Variants in RANBP2 observed in about 807,000 individuals in gnomAD.
The protein encoded by RANBP2 is E3 SUMO-protein ligase RanBP2.
A neutral mutation model predicts 303.6 loss-of-function variants in RANBP2; 57 were observed. The ratio of observed to expected loss-of-function variants is 0.19; its 90% CI spans 0.15 to 0.23. The LOEUF is 0.23. Among genes scored for constraint, RANBP2 ranks in the 10% least tolerant of loss-of-function variants. The probability of loss-of-function intolerance (pLI) is 1.00; values close to 1 mark genes in which losing one functional copy is unlikely to be tolerated. For missense variants in RANBP2, 3,138 were observed against 3,780.8 expected (o/e 0.83, Z 4.46); for synonymous variants, 1,167 against 1,301.5 (o/e 0.90, Z 2.23).
chr2:109,634,119 C>CAAAAAAA, the RANBP2 span, among the ~76,000 whole-genome samples: 2 of 56,092 alleles, frequency 3.6e-5, no homozygotes, highest in African/African-American at 7.9e-5. Flanking sequence ...GACTCTGTCT[C>CAAAAAAA]AAAAAAAAAA....
the RANBP2 span, among the ~76,000 whole-genome samples, chr2:109,164,958 A>G: frequency 6.6e-6 from 1 of 152,176 alleles, no homozygotes; most frequent in African/African-American, 2.4e-5. Flanking sequence ...GGAGGTCGTA[A>G]TTGTTTTTCT....
chr2:109,436,089 C>T, the RANBP2 span, among the ~76,000 whole-genome samples: 24 of 152,234 alleles, frequency 1.6e-4, no homozygotes, highest in South Asian at 5.0e-3. Context: ...GGGCAGGCAG[C>T]CTGTTCTCCC....
chr2:109,699,637 A>T, the RANBP2 span, among the ~76,000 whole-genome samples: 1 of 152,166 alleles, frequency 6.6e-6, no homozygotes, highest in Non-Finnish European at 1.5e-5. Context: ...TTATCTTCAC[A>T]TTACATAGGC....
the RANBP2 span, among the ~76,000 whole-genome samples, chr2:109,285,504 A>C: frequency 2.0e-5 from 3 of 152,184 alleles, no homozygotes; most frequent in African/African-American, 7.2e-5. Flanking sequence ...TTAACAGTGC[A>C]TGCTGGGGCA....
At chr2:109,532,769 G>T in the RANBP2 span, among the ~76,000 whole-genome samples, 1 of 152,074 alleles carries the variant, frequency 6.6e-6, no homozygotes, top group African/African-American at 2.4e-5. Context: ...GACAGATCTT[G>T]TAAGGAAGTT....
the RANBP2 span, among the ~76,000 whole-genome samples, chr2:109,655,887 ACTTATTATCAAT>A: frequency 6.6e-6 from 1 of 152,154 alleles, no homozygotes; most frequent in South Asian, 2.1e-4. Context: ...TTGGTCTACC[ACTTATTATCAAT>A]CTGGCCCTGG....
the RANBP2 span, among the ~76,000 whole-genome samples, chr2:109,122,870 C>T: frequency 6.6e-6 from 1 of 152,136 alleles, no homozygotes; most frequent in African/African-American, 2.4e-5. Context: ...GACCCTGTTT[C>T]TTTCACACCC....
At chr2:109,444,886 A>C in the RANBP2 span, among the ~76,000 whole-genome samples, 2 of 152,234 alleles carry the variant, frequency 1.3e-5, no homozygotes, top group East Asian at 3.8e-4. Context: ...CTTTGAAATC[A>C]GTATGTTTAA....
chr2:109,585,374 T>C, the RANBP2 span: 3 of 1,418,488 alleles, frequency 2.1e-6, no homozygotes, highest in East Asian at 4.6e-5. Context: ...TGAAAAGAAA[T>C]ACAACTGTAA....
At chr2:108,894,155 G>A in the RANBP2 span, among the ~76,000 whole-genome samples, 1 of 152,124 alleles carries the variant, frequency 6.6e-6, no homozygotes, top group Non-Finnish European at 1.5e-5. Flanking sequence ...GTTGCTTTAA[G>A]CCATTGAATT....
At chr2:109,493,067 C>T in the RANBP2 span, among the ~76,000 whole-genome samples, 8 of 152,074 alleles carry the variant, frequency 5.3e-5, no homozygotes, top group South Asian at 1.7e-3. Flanking sequence ...CAAACACACA[C>T]ACCACACATA....
the RANBP2 span, among the ~76,000 whole-genome samples, chr2:109,540,581 T>C: frequency 1.6e-3 from 243 of 151,922 alleles, 2 homozygotes; most frequent in South Asian, 9.6e-3. Flanking sequence ...TTCTAACACT[T>C]TGGGAGGCTG....
At chr2:109,617,339 ATTCC>A in the RANBP2 span, 1 of 167,084 alleles carries the variant, frequency 6.0e-6, no homozygotes, top group Non-Finnish European at 1.5e-5. Context: ...GCTGCTGGCT[ATTCC>A]TTTGTATATA....
the RANBP2 span, among the ~76,000 whole-genome samples, chr2:109,374,091 G>A: frequency 2.0e-5 from 3 of 152,160 alleles, no homozygotes; most frequent in Admixed American, 6.5e-5. Flanking sequence ...CATGAGGAGG[G>A]CTCCATAGCC....
At chr2:109,269,147 T>C in the RANBP2 span, among the ~76,000 whole-genome samples, 3 of 152,202 alleles carry the variant, frequency 2.0e-5, no homozygotes, top group Admixed American at 1.3e-4. Context: ...GTGGGCATCA[T>C]AGGCAGTTTC....
chr2:109,622,030 G>A, the RANBP2 span, among the ~76,000 whole-genome samples: 1 of 152,174 alleles, frequency 6.6e-6, no homozygotes, highest in Non-Finnish European at 1.5e-5. Context: ...TCACCTAGGT[G>A]CTGACATGGC....
At chr2:108,797,498 G>T in the RANBP2 span, among the ~76,000 whole-genome samples, 10 of 152,294 alleles carry the variant, frequency 6.6e-5, no homozygotes, top group African/African-American at 2.4e-4. Context: ...TGAAATGAGA[G>T]ACCTCAGCAA....
At chr2:109,659,267 C>T in the RANBP2 span, among the ~76,000 whole-genome samples, 3 of 150,878 alleles carry the variant, frequency 2.0e-5, no homozygotes, top group African/African-American at 7.3e-5. Context: ...GTCCCAGCTA[C>T]TCGGGAGGCT....
the RANBP2 span, among the ~76,000 whole-genome samples, chr2:108,998,372 A>G: frequency 1.3e-5 from 2 of 152,056 alleles, no homozygotes; most frequent in Non-Finnish European, 2.9e-5. Flanking sequence ...CCTGCACTTA[A>G]TTTTGAGCCC....
Sources: gnomAD v4.1 joint callset for allele counts (sites outside exome capture counted in the v4.1 genomes callset) on GRCh38, gnomAD v4.1.1 for gene constraint, MANE v1.5 for transcripts, NCBI Gene and HGNC (gene_info 2026-07-23, HGNC 2026-07-21) for gene names.